PLXDC2: variants seen among roughly 807,000 people sequenced by gnomAD.
PLXDC2 encodes the protein plexin domain containing 2.
PLXDC2 carries 40 observed loss-of-function variants against 68.9 expected under a neutral mutation model. The observed-to-expected ratio is 0.58, with a 90% CI of 0.45 to 0.76. The LOEUF (loss-of-function observed/expected upper bound fraction) is 0.76, where lower values mean the gene tolerates loss of function less well. PLXDC2 is among the 30% of genes least tolerant of loss of function. PLXDC2 has a pLI of 0.00. For missense variants in PLXDC2, 644 were observed against 661.9 expected (o/e 0.97, Z 0.30); for synonymous variants, 243 against 234.2 (o/e 1.04, Z -0.34).
chr10:20,028,263 T>G (rs905692887), intron 2 of PLXDC2, among the ~76,000 whole-genome samples: 2 of 152,210 alleles, frequency 1.3e-5, no homozygotes, highest in African/African-American at 4.8e-5. Context: ...GTTTGGAATT[T>G]TTCAAGGTCT....
intron 2 of PLXDC2, among the ~76,000 whole-genome samples, chr10:20,033,631 G>C (rs985490474): frequency 2.0e-5 from 3 of 152,074 alleles, no homozygotes; most frequent in African/African-American, 4.8e-5. Flanking sequence ...AGCTTGTGTG[G>C]GGTAACTTCC....
At chr10:20,196,703 T>A (rs1834842667) in intron 9 of PLXDC2, among the ~76,000 whole-genome samples, 1 of 152,184 alleles carries the variant, frequency 6.6e-6, no homozygotes, top group Admixed American at 6.6e-5. Flanking sequence ...TTTGCAGTTG[T>A]TAAATGGGAA....
chr10:20,254,543 C>T (rs977623638), intron 13 of PLXDC2, among the ~76,000 whole-genome samples: 2 of 151,874 alleles, frequency 1.3e-5, no homozygotes, highest in African/African-American at 4.8e-5. Context: ...AAAGAAAACT[C>T]AAGGGGAAAA....
chr10:19,966,501 T>C (rs1006740486), intron 1 of PLXDC2, among the ~76,000 whole-genome samples: 1 of 140,040 alleles, frequency 7.1e-6, no homozygotes, highest in East Asian at 2.1e-4. Context: ...CTGTATGATA[T>C]AGATATAGAA....
In PLXDC2 at chr10:20,286,117, G is replaced by A. The variant is rs551395379; in HGVS notation, c.*6298G>A. 6.6e-6 allele frequency: 1 copy of A among 152,164 alleles called. No homozygotes were observed. The highest frequency in any genetic ancestry group is 1.9e-4 in the East Asian group (1 of 5,182). 9.4% of individuals were successfully genotyped at this position (152,164 alleles called of 1,614,324 possible). Reference sequence around the variant, plus strand: ...CAAGTTTATGGAATACATCATCATTGGCTTCTTCATAATATATTTATTATG... The same window carrying A: ...CAAGTTTATGGAATACATCATCATTAGCTTCTTCATAATATATTTATTATG... On this transcript the variant is annotated 3_prime_UTR_variant, in exon 14 of 14. Transcript: ENST00000377252.
chr10:20,177,836 T>C (rs1309712569), intron 9 of PLXDC2, among the ~76,000 whole-genome samples: 1 of 152,140 alleles, frequency 6.6e-6, no homozygotes, highest in Non-Finnish European at 1.5e-5. Flanking sequence ...ATAAAATATA[T>C]AGATATCATG....
intron 1 of PLXDC2, among the ~76,000 whole-genome samples, chr10:19,902,823 G>A (rs931492147): frequency 2.0e-5 from 3 of 152,110 alleles, no homozygotes; most frequent in African/African-American, 7.2e-5. Context: ...ATTTGTCATA[G>A]ATATTTTTTA....
At chr10:19,910,583 AG>A (rs1282163200) in intron 1 of PLXDC2, among the ~76,000 whole-genome samples, 12 of 141,370 alleles carry the variant, frequency 8.5e-5, no homozygotes, top group Admixed American at 8.5e-4. Flanking sequence ...TCACTTTTTA[AG>A]TGGTTGCTTT....
At chr10:19,995,583 T>C (rs1157820473) in intron 1 of PLXDC2, among the ~76,000 whole-genome samples, 1 of 152,218 alleles carries the variant, frequency 6.6e-6, no homozygotes, top group East Asian at 1.9e-4. Context: ...GCCACTTTTA[T>C]CAGTTAGGGA....
At chr10:20,010,415 T>C (rs1835092427) in intron 2 of PLXDC2, among the ~76,000 whole-genome samples, 1 of 152,192 alleles carries the variant, frequency 6.6e-6, no homozygotes, top group Non-Finnish European at 1.5e-5. Context: ...ATATCTGCAA[T>C]TATTGCTCAC....
At chr10:20,119,789 T>C (rs893864507) in intron 4 of PLXDC2, among the ~76,000 whole-genome samples, 7 of 151,818 alleles carry the variant, frequency 4.6e-5, no homozygotes, top group Admixed American at 2.0e-4. Flanking sequence ...GATTTTGTGG[T>C]AAGGGGTGAT....
At chr10:20,007,439 A>C (rs1265088662) in intron 2 of PLXDC2, among the ~76,000 whole-genome samples, 1 of 152,222 alleles carries the variant, frequency 6.6e-6, no homozygotes, top group Non-Finnish European at 1.5e-5. Context: ...ACTTATTCAC[A>C]TGCAATATTT....
chr10:20,081,304 G>A (rs191593475), intron 4 of PLXDC2, among the ~76,000 whole-genome samples: 1 of 152,072 alleles, frequency 6.6e-6, no homozygotes, highest in African/African-American at 2.4e-5. Flanking sequence ...AGCAGGGAGG[G>A]GGAAAAACTA....
At chr10:19,966,257 G>C (rs571262812) in intron 1 of PLXDC2, among the ~76,000 whole-genome samples, 55 of 129,492 alleles carry the variant, frequency 4.2e-4, no homozygotes, top group South Asian at 1.3e-3. Context: ...TGTGTATATA[G>C]TATGTGTAAG....
intron 4 of PLXDC2, among the ~76,000 whole-genome samples, chr10:20,073,839 C>A (rs1428613602): frequency 1.3e-5 from 2 of 151,842 alleles, no homozygotes; most frequent in Non-Finnish European, 2.9e-5. Context: ...TATTAGCCTG[C>A]TAGTGTGATC....
At chr10:19,876,296 C>T (rs1296040365) in intron 1 of PLXDC2, among the ~76,000 whole-genome samples, 1 of 152,120 alleles carries the variant, frequency 6.6e-6, no homozygotes, top group Admixed American at 6.5e-5. Context: ...CATTTCAAAA[C>T]CTTTGCAGAA....
At chr10:20,070,215 A>AG (rs1836292675) in intron 4 of PLXDC2, among the ~76,000 whole-genome samples, 1 of 152,228 alleles carries the variant, frequency 6.6e-6, no homozygotes, top group Non-Finnish European at 1.5e-5. Context: ...GTCCTTAAGT[A>AG]ATAAACTTTA....
intron 13 of PLXDC2, among the ~76,000 whole-genome samples, chr10:20,271,341 G>A (rs1183561395): frequency 1.3e-5 from 2 of 152,156 alleles, no homozygotes; most frequent in East Asian, 1.9e-4. Context: ...CAGGCACTGA[G>A]GGTGAAAAAT....
intron 4 of PLXDC2, among the ~76,000 whole-genome samples, chr10:20,124,987 C>T (rs1389972778): frequency 1.3e-5 from 2 of 152,064 alleles, no homozygotes; most frequent in Non-Finnish European, 2.9e-5. Context: ...TGGCAGACTA[C>T]CGTGGAAACC....
Sources: gnomAD v4.1 joint callset for allele counts (sites outside exome capture counted in the v4.1 genomes callset) on GRCh38, gnomAD v4.1.1 for gene constraint, MANE v1.5 for transcripts, NCBI Gene and HGNC (gene_info 2026-07-23, HGNC 2026-07-21) for gene names.